Variants in FAM117A observed in about 807,000 individuals in gnomAD.
The protein encoded by FAM117A is family with sequence similarity 117 member A.
Under a neutral mutation model 44.1 loss-of-function variants are expected in FAM117A, and 21 were observed. The observed-to-expected ratio is 0.48, with a 90% CI of 0.34 to 0.69. The LOEUF is 0.69. FAM117A is among the 30% of genes least tolerant of loss of function. The pLI is 0.01. For synonymous variants in FAM117A, 220 were observed against 238.3 expected (o/e 0.92, Z 0.71); for missense variants, 498 against 589.9 (o/e 0.84, Z 1.61).
chr17:49,746,646 G>C (rs2073655400), intron 1 of FAM117A, among the ~76,000 whole-genome samples: 1 of 152,232 alleles, frequency 6.6e-6, no homozygotes, highest in Non-Finnish European at 1.5e-5. Context: ...CATGGCTGGA[G>C]TGGGATATAA....
chr17:49,713,044 T>TTTA (rs1222010156), intron 7 of FAM117A, among the ~76,000 whole-genome samples: 5 of 152,010 alleles, frequency 3.3e-5, no homozygotes, highest in East Asian at 1.9e-4. Flanking sequence ...CTAGGCTAAT[T>TTTA]TTATTATTAT....
At chr17:49,727,756 C>T (rs1433008194) in intron 2 of FAM117A, among the ~76,000 whole-genome samples, 1 of 152,230 alleles carries the variant, frequency 6.6e-6, no homozygotes, top group East Asian at 1.9e-4. Context: ...CCAAAAGTTT[C>T]TACCTAGACT....
At position 49,711,459 on chromosome 17, in the gene FAM117A, C is replaced by T; in HGVS notation, c.1158G>A (p.Leu386=). ...PTGSAFCPVN[L]MKPLFPGMGF... is the part of the protein sequence containing the mutation. ...CCATGCCGGGGAAGAGGGGCTTCAT[C>T]AGGTTGACGGGGCAGAAGGCTGAGC... Residue 386 remains leucine (L), a synonymous_variant, in exon 8 of 8, where the codon CTG becomes CTA. Coordinates refer to ENST00000240364, the MANE Select transcript of FAM117A (RefSeq NM_030802.4). 6.2e-7 allele frequency: 1 copy of T among 1,614,020 alleles called. No homozygotes were observed. The highest frequency in any genetic ancestry group is 8.5e-7 in the Non-Finnish European group (1 of 1,180,008).
chr17:49,732,827 C>A, intron 1 of FAM117A, 107 bp from the exon 2 acceptor site: 1 of 1,185,534 alleles, frequency 8.4e-7, no homozygotes. Flanking sequence ...CGTCTTCACT[C>A]ATATCCACCA....
At chr17:49,754,735 G>A (rs1331141658) in intron 1 of FAM117A, among the ~76,000 whole-genome samples, 2 of 151,968 alleles carry the variant, frequency 1.3e-5, no homozygotes, top group Non-Finnish European at 2.9e-5. Context: ...ACCCAGCTGG[G>A]CAGGTTAAAA....
intron 2 of FAM117A, chr17:49,732,242 A>T (rs1198318324): frequency 4.7e-6 from 1 of 211,834 alleles, no homozygotes. Context: ...TTTACAAAGA[A>T]AAACGGTGGT....
intron 6 of FAM117A, among the ~76,000 whole-genome samples, chr17:49,717,220 C>G (rs148224816): frequency 6.6e-6 from 1 of 152,330 alleles, no homozygotes; most frequent in East Asian, 1.9e-4. Flanking sequence ...CTGCTTTCCC[C>G]TACAGCTTGC....
chr17:49,788,668 C>A, upstream of FAM117A: 1 of 656,722 alleles, frequency 1.5e-6, no homozygotes, highest in South Asian at 2.4e-5. Context: ...GCGCTTCAGC[C>A]CGCGGCGCCT....
At chr17:49,766,887 T>C (rs910316257), upstream of FAM117A, among the ~76,000 whole-genome samples, 3 of 152,186 alleles carry the variant, frequency 2.0e-5, no homozygotes, top group Non-Finnish European at 4.4e-5. Context: ...CATGGTTCCA[T>C]GGATACTGTG....
intron 1 of FAM117A, among the ~76,000 whole-genome samples, chr17:49,780,861 C>T (rs1846066822): frequency 1.3e-5 from 2 of 152,116 alleles, no homozygotes; most frequent in African/African-American, 2.4e-5. Flanking sequence ...GATGGAGTTT[C>T]GCTCTGTCAC....
intron 1 of FAM117A, among the ~76,000 whole-genome samples, chr17:49,769,700 G>A (rs995811086): frequency 2.0e-5 from 3 of 151,378 alleles, no homozygotes; most frequent in East Asian, 3.9e-4. Flanking sequence ...GCGAAACTCC[G>A]TCTCAAAAAA....
chr17:49,727,277 A>G (rs997454434), intron 2 of FAM117A, among the ~76,000 whole-genome samples: 10 of 150,522 alleles, frequency 6.6e-5, no homozygotes, highest in Non-Finnish European at 1.5e-4. Flanking sequence ...GCATGGTTGC[A>G]CATGCCTGTA....
intron 2 of FAM117A, among the ~76,000 whole-genome samples, chr17:49,730,870 T>A (rs2073581741): frequency 6.6e-6 from 1 of 152,206 alleles, no homozygotes. Context: ...CAGCAAATTC[T>A]TGTTGATTCA....
intron 2 of FAM117A, chr17:49,724,278 G>A (rs927729645): frequency 2.0e-5 from 9 of 449,604 alleles, no homozygotes; most frequent in Non-Finnish European, 2.2e-5. Flanking sequence ...GCTGGGCCCC[G>A]CACCCCCCAC....
At chr17:49,764,534 TA>T (rs1221903158), upstream of FAM117A, among the ~76,000 whole-genome samples, 7 of 152,126 alleles carry the variant, frequency 4.6e-5, no homozygotes, top group Non-Finnish European at 7.4e-5. Flanking sequence ...ACTAGTGAAA[TA>T]ATTTTTGGGG....
intron 1 of FAM117A, among the ~76,000 whole-genome samples, chr17:49,755,528 T>C (rs1013337620): frequency 1.2e-4 from 18 of 152,196 alleles, no homozygotes; most frequent in African/African-American, 4.1e-4. Flanking sequence ...ATCCTACACA[T>C]TGGCTGTTTC....
intron 5 of FAM117A, 126 bp downstream of exon 5, chr17:49,719,634 G>T: frequency 8.5e-7 from 1 of 1,175,818 alleles, no homozygotes; most frequent in Non-Finnish European, 1.2e-6. Flanking sequence ...GCAGGCTGGT[G>T]TTTGTATGCT....
rs1567835879 is a variant in FAM117A at position 49,758,643 on chromosome 17, AAATAAATAAAT to A, written c.196+5238_196+5248del. Among the ~76,000 whole-genome samples the A allele has an allele frequency of 2.3e-3, 96 of 42,216 alleles. 1 individual carries two copies. Among genetic ancestry groups the A allele is most frequent in the Middle Eastern group, 0.015 (1 of 66 alleles). The allele number at this position is 42,216 out of a possible 152,430, so 27.7% of individuals were successfully genotyped here. A position where few individuals can be genotyped will look rare whatever the true frequency, so the allele number is the denominator to read the frequency against. On this transcript the variant is annotated intron_variant, in intron 1 of 7. Coordinates refer to ENST00000240364, the MANE Select transcript of FAM117A (RefSeq NM_030802.4). ...TCTCAAAAAAAAAAAAAAATAAAAT[AAATAAATAAAT>A]AAATAAATAAATAAATAAATAAATA...
rs527548604 is a variant in FAM117A at position 49,754,046 on chromosome 17, T to A, written c.196+9846A>T. Among the ~76,000 whole-genome samples the A allele has an allele frequency of 3.9e-5, 6 of 152,290 alleles. No homozygotes were observed. The South Asian group carries it at 1.2e-3, about 32-fold the overall frequency. On this transcript the variant is annotated intron_variant, in intron 1 of 7. Transcript: ENST00000240364. ...ACATAGCCCTTCTCTCCCCAGTTGC[T>A]AAATCCAGACTATGTCATATTGTGA... is the stretch of plus-strand genomic sequence containing the variant.
Sources: gnomAD v4.1 joint callset for allele counts (sites outside exome capture counted in the v4.1 genomes callset) on GRCh38, gnomAD v4.1.1 for gene constraint, MANE v1.5 for transcripts, NCBI Gene and HGNC (gene_info 2026-07-23, HGNC 2026-07-21) for gene names.